CLIP1: variants seen among roughly 807,000 people sequenced by gnomAD.
The protein encoded by CLIP1 is CAP-Gly domain containing linker protein 1.
A neutral mutation model predicts 161.6 loss-of-function variants in CLIP1; 66 were observed. The observed-to-expected ratio is 0.41, with a 90% CI of 0.33 to 0.50. CLIP1 has a LOEUF of 0.50. Ranked by LOEUF, CLIP1 falls within the 20% of genes least tolerant of loss-of-function variation. The pLI is 0.27. For synonymous variants in CLIP1, 598 were observed against 626.2 expected (o/e 0.96, Z 0.67); for missense variants, 1,376 against 1,702.0 (o/e 0.81, Z 3.37).
At chr12:122,382,586 C>T (rs1955057908) in intron 1 of CLIP1, among the ~76,000 whole-genome samples, 1 of 151,536 alleles carries the variant, frequency 6.6e-6, no homozygotes, top group South Asian at 2.1e-4. Flanking sequence ...GTGGTACACA[C>T]CTGTAATCCC....
intron 1 of CLIP1, among the ~76,000 whole-genome samples, chr12:122,392,641 T>C (rs1263859415): frequency 6.6e-6 from 1 of 152,092 alleles, no homozygotes; most frequent in East Asian, 1.9e-4. Context: ...TCACTCCCAC[T>C]CTAATGCCCG....
chr12:122,417,536 G>A (rs1323949017), intron 1 of CLIP1, among the ~76,000 whole-genome samples: 6 of 133,748 alleles, frequency 4.5e-5, no homozygotes, highest in South Asian at 2.4e-4. Context: ...TTTTTGAAAC[G>A]GAGTCTCGCT....
At chr12:122,320,409 C>T (rs967478892) in intron 17 of CLIP1, among the ~76,000 whole-genome samples, 6 of 151,680 alleles carry the variant, frequency 4.0e-5, no homozygotes, top group African/African-American at 1.5e-4. Flanking sequence ...TGGAAAGTAG[C>T]CTGGGAAACA....
At chr12:122,308,042 C>G (rs1207680691) in intron 20 of CLIP1, among the ~76,000 whole-genome samples, 2 of 152,176 alleles carry the variant, frequency 1.3e-5, no homozygotes, top group African/African-American at 4.8e-5. Flanking sequence ...ATCACAAAAC[C>G]TTTTCAGTAG....
intron 23 of CLIP1, 105 bp downstream of exon 23, chr12:122,278,687 G>A: frequency 8.3e-7 from 1 of 1,204,942 alleles, no homozygotes; most frequent in South Asian, 1.7e-5. Context: ...AGGAGAGTCA[G>A]GGTCAGGGCA....
At chr12:122,328,961 C>G (rs1951820914) in intron 15 of CLIP1, among the ~76,000 whole-genome samples, 1 of 152,062 alleles carries the variant, frequency 6.6e-6, no homozygotes, top group South Asian at 2.1e-4. Context: ...AGAGTAATAA[C>G]TACTGTAATT....
At chr12:122,353,657 G>C (rs1028861471) in intron 7 of CLIP1, among the ~76,000 whole-genome samples, 1 of 151,556 alleles carries the variant, frequency 6.6e-6, no homozygotes, top group African/African-American at 2.4e-5. Flanking sequence ...TTGAGACGGA[G>C]TCTTGCTCTG....
chr12:122,277,415 C>G (rs1046536675), intron 24 of CLIP1: 1 of 149,870 alleles, frequency 6.7e-6, no homozygotes, highest in African/African-American at 2.5e-5. Context: ...CTTTTGGGCT[C>G]AAGCAATCAT....
intron 9 of CLIP1, 152 bp downstream of exon 9, chr12:122,350,959 A>G (rs969590882): frequency 1.4e-5 from 7 of 511,302 alleles, no homozygotes; most frequent in African/African-American, 1.3e-4. Flanking sequence ...TATAAATGTA[A>G]TTGCTTTGAA....
At chr12:122,358,820 G>A (rs1306618461) in intron 5 of CLIP1, among the ~76,000 whole-genome samples, 1 of 152,052 alleles carries the variant, frequency 6.6e-6, no homozygotes, top group Non-Finnish European at 1.5e-5. Context: ...CAGCACTTTG[G>A]GAAGCAGAGG....
chr12:122,301,392 C>A (rs371382106), intron 20 of CLIP1, among the ~76,000 whole-genome samples: 1 of 152,160 alleles, frequency 6.6e-6, no homozygotes, highest in Non-Finnish European at 1.5e-5. Context: ...TAGTCTGGGT[C>A]GGGCGCGGCG....
At chr12:122,287,708 A>G (rs1955914103) in intron 21 of CLIP1, among the ~76,000 whole-genome samples, 1 of 152,210 alleles carries the variant, frequency 6.6e-6, no homozygotes, top group Non-Finnish European at 1.5e-5. Flanking sequence ...GTACTGAAAA[A>G]GTTATCCTAG....
At chr12:122,413,259 C>T (rs1160752212) in intron 1 of CLIP1, among the ~76,000 whole-genome samples, 1 of 152,092 alleles carries the variant, frequency 6.6e-6, no homozygotes, top group Non-Finnish European at 1.5e-5. Flanking sequence ...TCTTATCTTT[C>T]CTGAGAAGAG....
In CLIP1 at chr12:122,406,410, A is replaced by ACAAGTCAG. The variant is rs1347233284; in HGVS notation, c.-107+16103_-107+16110dup. 2.0e-5 allele frequency among the ~76,000 whole-genome samples: 3 copies of ACAAGTCAG among 152,386 alleles called. No individual in the cohort carries two copies. The East Asian group carries it at 5.8e-4, about 29-fold the overall frequency. ...CCCATTCAGACACTAAAGGACTGACACAAGTCAGTAAGTATCAGAAAATTA... is the reference window on the plus strand; with the variant it reads ...CCCATTCAGACACTAAAGGACTGACACAAGTCAGCAAGTCAGTAAGTATCAGAAAATTA... On this transcript the variant is annotated intron_variant, in intron 1 of 25. Transcript: ENST00000620786.
At chr12:122,421,874 C>A (rs961212247) in intron 1 of CLIP1, among the ~76,000 whole-genome samples, 1 of 152,248 alleles carries the variant, frequency 6.6e-6, no homozygotes, top group Non-Finnish European at 1.5e-5. Context: ...AATCCCCTGC[C>A]GCGGTAGAAG....
intron 1 of CLIP1, among the ~76,000 whole-genome samples, chr12:122,409,326 A>C (rs867025126): frequency 2.0e-5 from 3 of 150,794 alleles, no homozygotes; most frequent in Non-Finnish European, 2.9e-5. Flanking sequence ...GGGTTTCACC[A>C]TGTTGGCTAG....
chr12:122,370,071 G>A (rs776248178), intron 3 of CLIP1, among the ~76,000 whole-genome samples: 18 of 151,566 alleles, frequency 1.2e-4, no homozygotes, highest in Non-Finnish European at 1.3e-4. Context: ...GCTGGGGCGC[G>A]ACAATTGCTT....
In CLIP1 at chr12:122,386,839, A is replaced by AAG. The variant is rs1343141999; in HGVS notation, c.-106-6283_-106-6282dup. 2.1e-4 allele frequency among the ~76,000 whole-genome samples: 32 copies of AAG among 150,298 alleles called. 1 individual carries two copies. Among genetic ancestry groups the AAG allele is most frequent in the African/African-American group, 4.4e-4 (18 of 40,614 alleles). ...AATATGTCTCAAAAAAAAAAAAAAA[A>AAG]AGAGAGAGAGATTCTGAGCTTACAA... On this transcript the variant is annotated intron_variant, in intron 1 of 25. Coordinates refer to ENST00000620786, the MANE Select transcript of CLIP1 (RefSeq NM_001247997.2).
intron 21 of CLIP1, among the ~76,000 whole-genome samples, chr12:122,287,691 T>C (rs1249294583): frequency 1.3e-5 from 2 of 152,236 alleles, no homozygotes; most frequent in Non-Finnish European, 2.9e-5. Context: ...TTCTTCCTTA[T>C]TGGAAAGTAC....
Sources: gnomAD v4.1 joint callset for allele counts (sites outside exome capture counted in the v4.1 genomes callset) on GRCh38, gnomAD v4.1.1 for gene constraint, MANE v1.5 for transcripts, NCBI Gene and HGNC (gene_info 2026-07-23, HGNC 2026-07-21) for gene names.